The following OLFM2 variants were observed in gnomAD, a reference collection of about 807,000 sequenced individuals.
The protein encoded by OLFM2 is olfactomedin 2, also known as noelin-2.
Under a neutral mutation model 43.9 loss-of-function variants are expected in OLFM2, and 20 were observed. That is an observed-to-expected ratio of 0.46 (90% CI 0.32 to 0.66). OLFM2 has a LOEUF of 0.66. Ranked by LOEUF, OLFM2 falls within the 30% of genes least tolerant of loss-of-function variation. The pLI, the probability that OLFM2 is intolerant of heterozygous loss-of-function variation, is 0.04. For missense variants in OLFM2, 416 were observed against 643.6 expected (o/e 0.65, Z 3.83); for synonymous variants, 268 against 278.6 (o/e 0.96, Z 0.38).
rs1409898728 is a variant in OLFM2 at position 9,854,297 on chromosome 19, C to T, written c.1254G>A (p.Ser418=). 5.6e-6 allele frequency: 9 copies of T among 1,613,976 alleles called. No individual in the cohort carries two copies. The highest frequency in any genetic ancestry group is 2.2e-5 in the East Asian group (1 of 44,890). The change falls in exon 6 of 6, where the codon TCG becomes TCA. Residue 418 remains serine, a synonymous_variant. Transcript: ENST00000264833. The surrounding 1 kb of genome is among the most constrained non-coding windows in gnomAD (Gnocchi z 9.5). ...VPFHNQYSHI[S]MLDYNPRERA... ...GCTCCCGGGGGTTGTAATCCAGCAT[C>T]GAGATGTGGGAATACTGGTTGTGGA...
intron 1 of OLFM2, among the ~76,000 whole-genome samples, chr19:9,923,087 C>T (rs1241365701): frequency 6.6e-6 from 1 of 150,662 alleles, no homozygotes; most frequent in Admixed American, 6.6e-5. Context: ...CTCCCTATGA[C>T]CCAGCAATTC....
At chr19:9,901,868 G>A (rs1270785848) in intron 1 of OLFM2, among the ~76,000 whole-genome samples, 3 of 152,130 alleles carry the variant, frequency 2.0e-5, no homozygotes, top group South Asian at 2.1e-4. Flanking sequence ...CCAGGGAAAC[G>A]CCATTGTGCA....
chr19:9,886,057 C>A (rs988092816), intron 1 of OLFM2, among the ~76,000 whole-genome samples: 1 of 151,370 alleles, frequency 6.6e-6, no homozygotes, highest in Non-Finnish European at 1.5e-5. Context: ...TGATTGCACC[C>A]CTGCACTCCA....
chr19:9,895,794 C>T (rs2046678293), intron 1 of OLFM2, among the ~76,000 whole-genome samples: 1 of 152,058 alleles, frequency 6.6e-6, no homozygotes, highest in Non-Finnish European at 1.5e-5. Flanking sequence ...CGCCACCACA[C>T]CTGGCTAATT....
intron 1 of OLFM2, among the ~76,000 whole-genome samples, chr19:9,905,812 A>G (rs2144984113): frequency 6.6e-6 from 1 of 152,262 alleles, no homozygotes; most frequent in Middle Eastern, 3.4e-3. Flanking sequence ...ACCTGCAAGT[A>G]CAGGCCTTGG....
chr19:9,875,367 C>T (rs1437897042), intron 1 of OLFM2, among the ~76,000 whole-genome samples: 1 of 152,136 alleles, frequency 6.6e-6, no homozygotes, highest in African/African-American at 2.4e-5. Flanking sequence ...CAGGGAAGAG[C>T]GAGGGTTCTG....
intron 1 of OLFM2, among the ~76,000 whole-genome samples, chr19:9,888,529 AAAAAC>A (rs1348511135): frequency 4.6e-5 from 7 of 150,954 alleles, no homozygotes; most frequent in African/African-American, 7.3e-5. Context: ...CTCAAAAAAA[AAAAAC>A]AAAAAACAAA....
rs775587469 is a variant in OLFM2, at chr19:9,923,667, GAAAAA to G, written c.63+12632_63+12636del. On this transcript the variant is annotated intron_variant, in intron 1 of 5. Coordinates refer to ENST00000264833, the MANE Select transcript of OLFM2 (RefSeq NM_058164.4). ...GGAAAGGAAAGGAAAAGAAAAGAAA[GAAAAA>G]AGAAAAGAAAAGAAAGAAAAAAGAA... 3.8e-3 allele frequency among the ~76,000 whole-genome samples: 548 copies of G among 144,806 alleles called. 4 individuals are homozygous for G. The highest frequency in any genetic ancestry group is 0.014 in the Middle Eastern group (4 of 288). The allele number at this position is 144,806 out of a possible 152,430, so 95.0% of individuals were successfully genotyped here.
chr19:9,864,355 C>G (rs1276308177), intron 1 of OLFM2, among the ~76,000 whole-genome samples: 2 of 152,134 alleles, frequency 1.3e-5, no homozygotes, highest in African/African-American at 4.8e-5. Flanking sequence ...GGCTGGAGGG[C>G]AGTGGTGCGA....
Position 9,857,185 on chromosome 19 carries a change from T to G in OLFM2, c.580+78A>C, listed in dbSNP as rs965087333. On this transcript the variant is annotated intron_variant, in intron 4 of 5. Coordinates refer to ENST00000264833, the MANE Select transcript of OLFM2 (RefSeq NM_058164.4). The surrounding 1 kb of genome is among the most constrained non-coding windows in gnomAD (Gnocchi z 5.7). ...TTAGAGGTCAAAACTGTGTCCAGCT[T>G]CTAGGCACAAACAGGTGATACTGGA... The G allele has an allele frequency of 2.9e-6, 4 of 1,372,456 alleles. No homozygotes were observed. The highest frequency in any genetic ancestry group is 1.7e-5 in the Admixed American group (1 of 59,312). The allele number at this position is 1,372,456 out of a possible 1,614,324, so 85.0% of individuals were successfully genotyped here.
chr19:9,857,705 G>A lies in OLFM2; in HGVS notation c.360+10C>T. 1 of 1,614,136 alleles carries A rather than the reference G, an allele frequency of 6.2e-7. No individual in the cohort carries two copies. Among genetic ancestry groups the A allele is most frequent in the Non-Finnish European group, 8.5e-7 (1 of 1,180,028 alleles). On this transcript the variant is annotated intron_variant, in intron 3 of 5. Transcript: ENST00000264833. This position sits in a 1 kb window ranked among gnomAD's most constrained non-coding sequence, Gnocchi z 5.7. Reference sequence around the variant, plus strand: ...TGTTTGACCTCTGGTCTGGACACAGGAGGACCCACCTGGAAGCTCTTGGCC... The same window carrying A: ...TGTTTGACCTCTGGTCTGGACACAGAAGGACCCACCTGGAAGCTCTTGGCC...
chr19:9,901,439 C>T (rs2046739126), intron 1 of OLFM2, among the ~76,000 whole-genome samples: 2 of 151,908 alleles, frequency 1.3e-5, no homozygotes, highest in African/African-American at 4.8e-5. Flanking sequence ...AACAAACAAA[C>T]AAACAAACAA....
At chr19:9,907,400 C>T (rs965528321) in intron 1 of OLFM2, among the ~76,000 whole-genome samples, 3 of 151,606 alleles carry the variant, frequency 2.0e-5, no homozygotes, top group Admixed American at 6.6e-5. Context: ...TGAGGGAGAT[C>T]GCAGTGGGCC....
chr19:9,897,789 A>G (rs570063095), intron 1 of OLFM2, among the ~76,000 whole-genome samples: 1 of 152,288 alleles, frequency 6.6e-6, no homozygotes, highest in African/African-American at 2.4e-5. Context: ...TGGGGGACAC[A>G]CTGGCTTTCT....
intron 1 of OLFM2, among the ~76,000 whole-genome samples, chr19:9,899,640 C>T (rs2046713591): frequency 1.3e-5 from 2 of 152,090 alleles, no homozygotes; most frequent in South Asian, 4.1e-4. Context: ...GCAGCCTCGA[C>T]CTCTGGGCCC....
rs1440949168 is a variant in OLFM2, at chr19:9,856,103, TTTG to T, written c.687+701_687+703del. 6.6e-6 allele frequency among the ~76,000 whole-genome samples: 1 copy of T among 152,130 alleles called. No individual in the cohort carries two copies. The highest frequency in any genetic ancestry group is 1.9e-4 in the East Asian group (1 of 5,182). On this transcript the variant is annotated intron_variant, in intron 5 of 5. Coordinates refer to ENST00000264833, the MANE Select transcript of OLFM2 (RefSeq NM_058164.4). The surrounding 1 kb of genome is among the most constrained non-coding windows in gnomAD (Gnocchi z 4.0). ...AACTAGCATTTGTTGTTGTTTTTGT[TTTG>T]TTTTGTTTTGAGACAGAGTTTCACT...
intron 1 of OLFM2, among the ~76,000 whole-genome samples, chr19:9,867,421 TG>T (rs1415347241): frequency 8.6e-5 from 13 of 151,974 alleles, no homozygotes; most frequent in Admixed American, 7.2e-4. Flanking sequence ...GGTGTTTCCC[TG>T]GGGACGGAGG....
At chr19:9,870,408 G>A (rs966580913) in intron 1 of OLFM2, among the ~76,000 whole-genome samples, 1 of 152,278 alleles carries the variant, frequency 6.6e-6, no homozygotes, top group South Asian at 2.1e-4. Context: ...AGGGATGAGA[G>A]GGGACACTTG....
At chr19:9,907,806 C>G (rs772904280) in intron 1 of OLFM2, among the ~76,000 whole-genome samples, 4 of 151,976 alleles carry the variant, frequency 2.6e-5, no homozygotes, top group Non-Finnish European at 4.4e-5. Context: ...GAGTTGGAGA[C>G]CAGCCTGGCC....
Sources: gnomAD v4.1 joint callset for allele counts (sites outside exome capture counted in the v4.1 genomes callset) on GRCh38, gnomAD v4.1.1 for gene constraint, Gnocchi (gnomAD v3.1) non-coding constraint, MANE v1.5 for transcripts, NCBI Gene and HGNC (gene_info 2026-07-23, HGNC 2026-07-21) for gene names.